Variants in ASIP observed in about 807,000 individuals in gnomAD.
ASIP encodes agouti signaling protein, also known as agouti-signaling protein.
A neutral mutation model predicts 10.3 loss-of-function variants in ASIP; 11 were observed. The ratio of observed to expected loss-of-function variants is 1.07; its 90% CI spans 0.68 to 1.78. The LOEUF is 1.78. ASIP is among the 40% of genes most tolerant of loss of function. The pLI is 0.00. For synonymous variants in ASIP, 70 were observed against 70.8 expected (o/e 0.99, Z 0.06); for missense variants, 180 against 169.2 (o/e 1.06, Z -0.35).
chr20:34,240,343 T>C (rs374431828), upstream of ASIP, among the ~76,000 whole-genome samples: 23 of 152,312 alleles, frequency 1.5e-4, no homozygotes, highest in East Asian at 2.1e-3. Flanking sequence ...CAAGTGCTTC[T>C]TCCCTCCTGG....
intron 1 of ASIP, among the ~76,000 whole-genome samples, chr20:34,209,325 G>T (rs183956507): frequency 6.6e-6 from 1 of 152,052 alleles, no homozygotes; most frequent in African/African-American, 2.4e-5. Flanking sequence ...CCCACTCCAC[G>T]GAGCAGGCAG....
intron 3 of ASIP, among the ~76,000 whole-genome samples, chr20:34,268,758 C>A (rs59595005): frequency 8.0e-5 from 12 of 150,036 alleles, no homozygotes; most frequent in East Asian, 2.0e-4. Flanking sequence ...AACAAACAAA[C>A]AAAAAAAACA....
chr20:34,212,850 G>A (rs898830288), intron 1 of ASIP, among the ~76,000 whole-genome samples: 4 of 152,144 alleles, frequency 2.6e-5, no homozygotes, highest in African/African-American at 9.7e-5. Context: ...CTTTAAGAAT[G>A]TGCATATATC....
intron 1 of ASIP, among the ~76,000 whole-genome samples, chr20:34,255,724 C>CAA (rs1194450619): frequency 6.6e-6 from 1 of 152,208 alleles, no homozygotes; most frequent in Admixed American, 6.5e-5. Flanking sequence ...GACCAGAAGA[C>CAA]AAGAGTGTGA....
At chr20:34,235,998 A>AGCGGGAG (rs1568756812) in intron 1 of ASIP, among the ~76,000 whole-genome samples, 9 of 107,696 alleles carry the variant, frequency 8.4e-5, no homozygotes, top group African/African-American at 6.4e-4. Context: ...GAAGGAAGGA[A>AGCGGGAG]GGAGAAAGAG....
At position 34,269,284 on chromosome 20, in the gene ASIP, G is replaced by T; in HGVS notation, c.*117G>T. On this transcript the variant is annotated 3_prime_UTR_variant, in exon 4 of 4. Transcript: ENST00000374954. The stretch of plus-strand genomic sequence containing the variant: ...CTGCAGGCGGGCGGAGGTTCCAGGA[G>T]ATGGGACTTCAGGGAGACCTGGCTT... 1.6e-6 allele frequency: 2 copies of T among 1,283,318 alleles called. No individual in the cohort carries two copies. Among genetic ancestry groups the T allele is most frequent in the Non-Finnish European group, 2.1e-6 (2 of 973,128 alleles). The allele number at this position is 1,283,318 out of a possible 1,614,324, so 79.5% of individuals were successfully genotyped here. A position where few individuals can be genotyped will look rare whatever the true frequency, so the allele number is the denominator to read the frequency against.
In ASIP at chr20:34,235,897, GGAAA is replaced by G. The variant is rs1173293761; in HGVS notation, c.-10-24466_-10-24463del. 1.6e-3 allele frequency among the ~76,000 whole-genome samples: 103 copies of G among 64,978 alleles called. 10 individuals are homozygous for G. Among genetic ancestry groups the G allele is most frequent in the African/African-American group, 0.014 (93 of 6,420 alleles). 42.6% of individuals were successfully genotyped at this position (64,978 alleles called of 152,430 possible). ...AGGAAGGAAGGAAGGAAGGAAGGAA[GGAAA>G]GGAAGGAAGGAAGGAAGGAAGGAAG... On this transcript the variant is annotated intron_variant, in intron 1 of 3. Transcript: ENST00000568305.
At chr20:34,259,374 G>C (rs2035649941) in intron 1 of ASIP, among the ~76,000 whole-genome samples, 1 of 151,980 alleles carries the variant, frequency 6.6e-6, no homozygotes, top group Non-Finnish European at 1.5e-5. Context: ...TTAGCCAGGT[G>C]TGGTGGTGGG....
intron 1 of ASIP, among the ~76,000 whole-genome samples, chr20:34,250,325 A>G (rs1216097613): frequency 6.6e-6 from 1 of 152,218 alleles, no homozygotes; most frequent in African/African-American, 2.4e-5. Flanking sequence ...TGTCTTCAAG[A>G]AGACTACTTA....
intron 1 of ASIP, chr20:34,214,523 C>A: frequency 6.6e-7 from 1 of 1,506,790 alleles, no homozygotes; most frequent in Non-Finnish European, 9.2e-7. Context: ...AATCTTATTG[C>A]TACTTCAACT....
At position 34,262,851 on chromosome 20, in the gene ASIP, A is replaced by G; in HGVS notation, c.180A>G (p.Lys60=). The G allele has an allele frequency of 6.2e-7, 1 of 1,614,026 alleles. No individual in the cohort carries two copies. Among genetic ancestry groups the G allele is most frequent in the South Asian group, 1.1e-5 (1 of 91,084 alleles). The stretch of plus-strand genomic sequence containing the variant: ...TTGAAGCGCTGAACAAGAAATCCAA[A>G]CAGATCGGCAGAAAAGCAGCAGAAA... The part of the protein sequence containing the change: ...VSIVALNKKS[K]QIGRKAAEKK... Residue 60 remains lysine (K), a synonymous_variant, in exon 3 of 4, where the codon AAA becomes AAG. Transcript: ENST00000374954.
chr20:34,234,464 T>C (rs768444649), intron 1 of ASIP, among the ~76,000 whole-genome samples: 1 of 152,110 alleles, frequency 6.6e-6, no homozygotes, highest in Non-Finnish European at 1.5e-5. Flanking sequence ...CTATCAGCTT[T>C]CTTTCTTTCT....
upstream of ASIP, among the ~76,000 whole-genome samples, chr20:34,239,543 C>T (rs750485004): frequency 5.3e-5 from 8 of 152,182 alleles, no homozygotes; most frequent in Non-Finnish European, 8.8e-5. Flanking sequence ...GGAAAACATT[C>T]ACATTTGTGG....
intron 1 of ASIP, chr20:34,245,872 AT>A (rs2035366685): frequency 1.0e-6 from 1 of 972,184 alleles, no homozygotes; most frequent in East Asian, 4.3e-5. Context: ...AAATATATAT[AT>A]ATGTATATAT....
At chr20:34,265,271 C>T (rs2035764586) in intron 3 of ASIP, among the ~76,000 whole-genome samples, 1 of 151,950 alleles carries the variant, frequency 6.6e-6, no homozygotes, top group Non-Finnish European at 1.5e-5. Context: ...ACCTATAATC[C>T]CAGCACTTTG....
upstream of ASIP, among the ~76,000 whole-genome samples, chr20:34,193,817 T>G (rs2034838442): frequency 6.6e-6 from 1 of 152,228 alleles, no homozygotes; most frequent in African/African-American, 2.4e-5. Context: ...CATGTTACTC[T>G]GTTAGAAAGG....
At chr20:34,246,985 G>GT (rs1253717621) in intron 1 of ASIP, among the ~76,000 whole-genome samples, 3 of 139,918 alleles carry the variant, frequency 2.1e-5, no homozygotes, top group African/African-American at 8.0e-5. Context: ...GTTGGTTTTT[G>GT]TTTTTTTGTT....
At chr20:34,253,105 CTTTTTTTTTTA>C (rs2035506734) in intron 1 of ASIP, among the ~76,000 whole-genome samples, 1 of 149,420 alleles carries the variant, frequency 6.7e-6, no homozygotes, top group Admixed American at 6.7e-5. Context: ...ATCTCTCTTT[CTTTTTTTTTTA>C]TTTTTTTTTT....
chr20:34,262,989 G>T (rs537339407), intron 3 of ASIP, 96 bp downstream of exon 3: 2 of 1,397,174 alleles, frequency 1.4e-6, no homozygotes, highest in East Asian at 2.3e-5. Flanking sequence ...CTAAATGAAA[G>T]ATTTTTCAGG....
Sources: allele counts gnomAD v4.1 joint callset (sites outside exome capture counted in the v4.1 genomes callset), GRCh38; gene constraint gnomAD v4.1.1; transcripts MANE v1.5; gene names NCBI Gene and HGNC (gene_info 2026-07-23, HGNC 2026-07-21).